The following CCSER1 variants were observed in gnomAD, a reference collection of about 807,000 sequenced individuals.
CCSER1 encodes serine-rich coiled-coil domain-containing protein 1.
In CCSER1, 41 loss-of-function variants were observed where a neutral mutation model predicts 82.0. The observed-to-expected ratio is 0.50, with a 90% CI of 0.39 to 0.65. The LOEUF (loss-of-function observed/expected upper bound fraction) is 0.65. Ranked by LOEUF, CCSER1 falls within the 30% of genes least tolerant of loss-of-function variation. The pLI is 0.00. For synonymous variants in CCSER1, 414 were observed against 383.9 expected, an observed-to-expected ratio of 1.08 and a Z score of -0.92; for missense variants, 1,119 against 1,064.2, an observed-to-expected ratio of 1.05 and a Z score of -0.72.
intron 10 of CCSER1, among the ~76,000 whole-genome samples, chr4:91,250,776 T>C (rs1254853492): frequency 6.6e-6 from 1 of 151,906 alleles, no homozygotes; most frequent in Non-Finnish European, 1.5e-5. Context: ...GTGAGTGGTA[T>C]TGGAAATTAT....
At chr4:90,286,678 T>C (rs1729959423) in intron 1 of CCSER1, among the ~76,000 whole-genome samples, 1 of 152,052 alleles carries the variant, frequency 6.6e-6, no homozygotes, top group Non-Finnish European at 1.5e-5. Flanking sequence ...TAGTGTTGGC[T>C]TAGAAAAATT....
chr4:90,985,337 G>A (rs531316666), intron 9 of CCSER1, among the ~76,000 whole-genome samples: 2 of 150,424 alleles, frequency 1.3e-5, no homozygotes, highest in East Asian at 3.9e-4. Flanking sequence ...TACCTTTACT[G>A]TTTAGAAAGC....
chr4:90,905,964 G>A (rs1194283660), intron 8 of CCSER1, among the ~76,000 whole-genome samples: 1 of 152,096 alleles, frequency 6.6e-6, no homozygotes, highest in Non-Finnish European at 1.5e-5. Context: ...GAGAGAAAAA[G>A]TGAGCACAGT....
chr4:91,067,427 C>T (rs568476635), intron 9 of CCSER1, among the ~76,000 whole-genome samples: 7 of 151,684 alleles, frequency 4.6e-5, no homozygotes, highest in Admixed American at 2.0e-4. Flanking sequence ...TTACTGCAAG[C>T]TTGAAACTCC....
intron 1 of CCSER1, among the ~76,000 whole-genome samples, chr4:90,170,530 C>T (rs1442280036): frequency 6.6e-6 from 1 of 151,794 alleles, no homozygotes; most frequent in African/African-American, 2.4e-5. Flanking sequence ...CTCTCCACTA[C>T]CCTTCCCAGT....
At chr4:90,607,889 GAAAGA>G (rs1784945317) in intron 5 of CCSER1, among the ~76,000 whole-genome samples, 1 of 151,898 alleles carries the variant, frequency 6.6e-6, no homozygotes. Flanking sequence ...ACCTGAATTT[GAAAGA>G]AAGACTCCAC....
chr4:90,725,155 C>T (rs1193216862), intron 7 of CCSER1: 3 of 205,778 alleles, frequency 1.5e-5, no homozygotes, highest in Non-Finnish European at 3.0e-5. Flanking sequence ...TTGATGTTAC[C>T]GTTTTATGGT....
At chr4:90,750,454 C>T (rs1234785330) in intron 7 of CCSER1, among the ~76,000 whole-genome samples, 2 of 152,180 alleles carry the variant, frequency 1.3e-5, no homozygotes, top group East Asian at 3.9e-4. Flanking sequence ...TCTAAGGTCC[C>T]AGAGTAAATG....
Position 90,990,696 on chromosome 4 carries a change from A to T in CCSER1, c.2172+67249A>T, listed in dbSNP as rs529525909. On this transcript the variant is annotated intron_variant, in intron 9 of 10. Transcript: ENST00000509176. ...GTAGAGCCCACAAATCTGTAAGTAC[A>T]ATACATTCCCTGGGTCTTTCTAAAA... Among the ~76,000 whole-genome samples, 6 of 152,056 alleles carry T rather than the reference A, an allele frequency of 3.9e-5. No homozygotes were observed. The South Asian group carries it at 1.2e-3, about 32-fold the overall frequency.
chr4:91,438,230 C>A (rs975813130), intron 10 of CCSER1, among the ~76,000 whole-genome samples: 1 of 152,190 alleles, frequency 6.6e-6, no homozygotes, highest in Non-Finnish European at 1.5e-5. Context: ...GGGAGGCACC[C>A]CCCAGTAGGG....
At chr4:90,352,125 C>T (rs1290778142) in intron 3 of CCSER1, among the ~76,000 whole-genome samples, 2 of 151,976 alleles carry the variant, frequency 1.3e-5, no homozygotes, top group African/African-American at 4.8e-5. Flanking sequence ...GAGATCGAAA[C>T]CATCCTGGCT....
At chr4:91,286,541 C>CT (rs1488171987) in intron 10 of CCSER1, among the ~76,000 whole-genome samples, 1 of 151,724 alleles carries the variant, frequency 6.6e-6, no homozygotes, top group Non-Finnish European at 1.5e-5. Context: ...ACATGAAACT[C>CT]TATCATGTGT....
intron 1 of CCSER1, among the ~76,000 whole-genome samples, chr4:90,265,007 A>G (rs1724988155): frequency 6.6e-6 from 1 of 152,034 alleles, no homozygotes; most frequent in South Asian, 2.1e-4. Flanking sequence ...TTCATAAACT[A>G]TGTGAATATC....
chr4:90,488,183 T>C (rs1268142945), intron 5 of CCSER1, among the ~76,000 whole-genome samples: 3 of 152,144 alleles, frequency 2.0e-5, no homozygotes, highest in Non-Finnish European at 4.4e-5. Flanking sequence ...TTTTATTTTA[T>C]TTTATTTATT....
chr4:90,264,217 A>G (rs11944958), intron 1 of CCSER1, among the ~76,000 whole-genome samples: 6,886 of 152,154 alleles, frequency 0.045, 395 homozygotes, highest in African/African-American at 0.14. Flanking sequence ...TACAGTCCCA[A>G]TTTGTAAATG....
intron 8 of CCSER1, among the ~76,000 whole-genome samples, chr4:90,877,117 T>C (rs761944316): frequency 2.6e-5 from 4 of 152,018 alleles, no homozygotes; most frequent in Non-Finnish European, 5.9e-5. Flanking sequence ...GTTTCCAGGA[T>C]CAAAGACTTA....
In CCSER1 at chr4:90,691,265, A is replaced by C. The variant is rs564485720; in HGVS notation, c.1933-32649A>C. ...CATAAAACCTCTAAGTTTTACTTAAAGATATACCTGTCTCTGATAGATACA... is the reference window on the plus strand; with the variant it reads ...CATAAAACCTCTAAGTTTTACTTAACGATATACCTGTCTCTGATAGATACA... On this transcript the variant is annotated intron_variant, in intron 6 of 10. Transcript: ENST00000509176. Among the ~76,000 whole-genome samples, 264 of 151,860 alleles carry C rather than the reference A, an allele frequency of 1.7e-3. 1 individual carries two copies. Among genetic ancestry groups the C allele is most frequent in the Non-Finnish European group, 2.7e-3 (186 of 67,900 alleles).
At chr4:91,311,029 T>G (rs940586052) in intron 10 of CCSER1, among the ~76,000 whole-genome samples, 5 of 151,968 alleles carry the variant, frequency 3.3e-5, no homozygotes, top group African/African-American at 4.8e-5. Flanking sequence ...TATTTCTGAT[T>G]GATTAAACTA....
intron 5 of CCSER1, among the ~76,000 whole-genome samples, chr4:90,607,629 G>C (rs1171817987): frequency 9.2e-5 from 14 of 152,044 alleles, no homozygotes; most frequent in Non-Finnish European, 4.4e-5. Flanking sequence ...TGTAATACCA[G>C]TTATGTTCGA....
Sources: allele counts gnomAD v4.1 joint callset (sites outside exome capture counted in the v4.1 genomes callset), GRCh38; gene constraint gnomAD v4.1.1; transcripts MANE v1.5; gene names NCBI Gene and HGNC (gene_info 2026-07-23, HGNC 2026-07-21).